The following GRM5 variants were observed in gnomAD, a reference collection of about 807,000 sequenced individuals.
The protein encoded by GRM5 is metabotropic glutamate receptor 5.
In GRM5, 19 loss-of-function variants were observed where a neutral mutation model predicts 83.1. The ratio of observed to expected loss-of-function variants is 0.23; its 90% CI spans 0.16 to 0.34. The LOEUF (loss-of-function observed/expected upper bound fraction) is 0.34, where lower values mean the gene tolerates loss of function less well. Ranked by LOEUF, GRM5 falls within the 10% of genes least tolerant of loss-of-function variation. GRM5 has a pLI of 1.00. For synonymous variants in GRM5, 675 were observed against 633.6 expected (o/e 1.07, Z -0.98); for missense variants, 1,160 against 1,588.3 (o/e 0.73, Z 4.58).
At chr11:88,790,557 A>G (rs899935816) in intron 3 of GRM5, among the ~76,000 whole-genome samples, 31 of 152,142 alleles carry the variant, frequency 2.0e-4, no homozygotes, top group African/African-American at 7.5e-4. Flanking sequence ...GTACTAGGAG[A>G]GAAGGTATGA....
At chr11:88,860,979 G>T (rs1944552160) in intron 2 of GRM5, among the ~76,000 whole-genome samples, 1 of 152,030 alleles carries the variant, frequency 6.6e-6, no homozygotes, top group Non-Finnish European at 1.5e-5. Context: ...ACAAAAGAAA[G>T]AATGCAAAAT....
At chr11:88,927,589 G>A (rs1416045856) in intron 2 of GRM5, among the ~76,000 whole-genome samples, 1 of 152,032 alleles carries the variant, frequency 6.6e-6, no homozygotes, top group African/African-American at 2.4e-5. Flanking sequence ...ACTAAACTTT[G>A]TCTCTTGGCA....
intron 8 of GRM5, among the ~76,000 whole-genome samples, chr11:88,551,573 T>C (rs1333264401): frequency 1.3e-5 from 2 of 152,170 alleles, no homozygotes; most frequent in Non-Finnish European, 2.9e-5. Flanking sequence ...TCGATTCTTA[T>C]TCACAAGGTC....
chr11:88,950,175 A>G (rs1938412083), intron 2 of GRM5, among the ~76,000 whole-genome samples: 1 of 151,920 alleles, frequency 6.6e-6, no homozygotes, highest in African/African-American at 2.4e-5. Flanking sequence ...CGCCCGGCCG[A>G]ATTTCCTTGT....
chr11:88,847,758 G>C lies in GRM5; in HGVS notation c.911+2148C>G, dbSNP rs374171795. 4.6e-5 allele frequency among the ~76,000 whole-genome samples: 7 copies of C among 152,224 alleles called. No homozygotes were observed. The South Asian group carries it at 1.2e-3, about 27-fold the overall frequency. On this transcript the variant is annotated intron_variant, in intron 3 of 9. Transcript: ENST00000305447. ...TGTGGGGATAAAAAAAATCTAACTA[G>C]AGGCTATAAATTTAGTATTCCATGA...
chr11:88,907,964 T>C (rs984942015), intron 2 of GRM5, among the ~76,000 whole-genome samples: 1 of 152,096 alleles, frequency 6.6e-6, no homozygotes, highest in African/African-American at 2.4e-5. Flanking sequence ...CCCACCATGA[T>C]TAGAAAAAAT....
intron 2 of GRM5, among the ~76,000 whole-genome samples, chr11:88,956,446 A>G (rs1027013279): frequency 7.2e-5 from 11 of 152,256 alleles, no homozygotes; most frequent in Admixed American, 2.6e-4. Flanking sequence ...TTGAATACAA[A>G]TATTACATTG....
chr11:88,886,393 C>T (rs1165098990), intron 2 of GRM5, among the ~76,000 whole-genome samples: 1 of 152,088 alleles, frequency 6.6e-6, no homozygotes, highest in Non-Finnish European at 1.5e-5. Context: ...TATTCTGAGG[C>T]CCTTGGCTTC....
At chr11:88,904,914 A>G (rs1945378671) in intron 2 of GRM5, among the ~76,000 whole-genome samples, 1 of 152,172 alleles carries the variant, frequency 6.6e-6, no homozygotes, top group African/African-American at 2.4e-5. Context: ...TTTGTTAACC[A>G]TCTAAGATTA....
intron 1 of GRM5, chr11:89,063,716 G>A (rs1186534646): frequency 1.3e-5 from 2 of 152,226 alleles, no homozygotes; most frequent in African/African-American, 4.8e-5. Flanking sequence ...GGAGAGAGCG[G>A]AGGAGGGAGG....
At chr11:88,570,138 G>A (rs1377683337) in intron 7 of GRM5, among the ~76,000 whole-genome samples, 6 of 152,114 alleles carry the variant, frequency 3.9e-5, no homozygotes, top group African/African-American at 1.4e-4. Context: ...ATTTCAGATA[G>A]TACTATTAGT....
chr11:88,816,061 A>C (rs962325646), intron 3 of GRM5, among the ~76,000 whole-genome samples: 1 of 146,230 alleles, frequency 6.8e-6, no homozygotes, highest in African/African-American at 2.7e-5. Context: ...AAAATACAAA[A>C]AATTAGCCGG....
At chr11:88,866,429 C>T (rs1318720960) in intron 2 of GRM5, among the ~76,000 whole-genome samples, 1 of 151,966 alleles carries the variant, frequency 6.6e-6, no homozygotes, top group Non-Finnish European at 1.5e-5. Flanking sequence ...GGATGGATAG[C>T]ATTAGGAGAA....
At chr11:88,764,160 A>G (rs537772480) in intron 3 of GRM5, among the ~76,000 whole-genome samples, 6 of 151,932 alleles carry the variant, frequency 3.9e-5, no homozygotes, top group African/African-American at 1.4e-4. Context: ...GTTCAATACA[A>G]CAAGAAGATA....
In GRM5 at chr11:89,061,930, A is replaced by T. The variant is rs143098359; in HGVS notation, c.-201+3846T>A. Among the ~76,000 whole-genome samples the T allele has an allele frequency of 6.0e-3, 909 of 152,348 alleles. 4 individuals carry two copies. Among genetic ancestry groups the T allele is most frequent in the Non-Finnish European group, 9.2e-3 (623 of 68,032 alleles). On this transcript the variant is annotated intron_variant, in intron 1 of 9. Transcript: ENST00000305447. ...TTGTATATTTTGTCATGTGGAGTGT[A>T]AATGACTAGAGAAAGCTTTTTCTCT...
intron 2 of GRM5, among the ~76,000 whole-genome samples, chr11:88,962,499 A>G (rs887232166): frequency 1.3e-5 from 2 of 152,176 alleles, no homozygotes; most frequent in Admixed American, 6.5e-5. Context: ...TATTGAAACC[A>G]TTACCAATCT....
chr11:88,736,318 T>G (rs1266898062), intron 3 of GRM5, among the ~76,000 whole-genome samples: 1 of 152,096 alleles, frequency 6.6e-6, no homozygotes, highest in Non-Finnish European at 1.5e-5. Context: ...CTTTGTGTTT[T>G]AATGTGCAAA....
chr11:88,644,847 AG>A (rs1422772651), intron 4 of GRM5, among the ~76,000 whole-genome samples: 1 of 152,048 alleles, frequency 6.6e-6, no homozygotes, highest in East Asian at 1.9e-4. Flanking sequence ...AGTGGCAAAA[AG>A]CTTGTAGAGG....
chr11:88,676,475 T>G (rs1295347867), intron 3 of GRM5, among the ~76,000 whole-genome samples: 1 of 152,038 alleles, frequency 6.6e-6, no homozygotes, highest in East Asian at 1.9e-4. Context: ...ATATTTATAT[T>G]CCAGTGCTTG....
Sources: allele counts gnomAD v4.1 joint callset (sites outside exome capture counted in the v4.1 genomes callset), GRCh38; gene constraint gnomAD v4.1.1; transcripts MANE v1.5; gene names NCBI Gene and HGNC (gene_info 2026-07-23, HGNC 2026-07-21).